SH2D5: variants seen among roughly 807,000 people sequenced by gnomAD.
SH2D5 encodes the protein SH2 domain containing 5, also known as SH2 domain-containing protein 5.
In SH2D5, 45 loss-of-function variants were observed where a neutral mutation model predicts 48.2. The ratio of observed to expected loss-of-function variants is 0.93; its 90% CI spans 0.73 to 1.20. The LOEUF is 1.20. Among genes scored for constraint, SH2D5 ranks in the 50% most tolerant of loss-of-function variants. The pLI, the probability that SH2D5 is intolerant of heterozygous loss-of-function variation, is 0.00. For missense variants in SH2D5, 538 were observed against 584.1 expected (o/e 0.92, Z 0.81); for synonymous variants, 230 against 249.8 (o/e 0.92, Z 0.75).
At chr1:20,723,529 C>T (rs1570502818) in intron 8 of SH2D5, 97 bp downstream of exon 8, 2 of 919,064 alleles carry the variant, frequency 2.2e-6, no homozygotes, top group East Asian at 2.6e-5. Flanking sequence ...AGCGCTCTGC[C>T]CGTGCACGGG....
At chr1:20,730,306 CGGGGGG>C (rs58462623) in intron 1 of SH2D5, among the ~76,000 whole-genome samples, 60,155 of 134,606 alleles carry the variant, frequency 0.45, 13,299 homozygotes, top group Non-Finnish European at 0.53. Flanking sequence ...CCATCCTGCT[CGGGGGG>C]GGGGGGGACG....
intron 4 of SH2D5, among the ~76,000 whole-genome samples, chr1:20,726,331 C>G (rs2054798817): frequency 6.6e-6 from 1 of 152,212 alleles, no homozygotes; most frequent in African/African-American, 2.4e-5. Flanking sequence ...CGAATCCTGG[C>G]TCTGCCACTC....
At position 20,720,876 on chromosome 1, in the gene SH2D5, C is replaced by G. The variant is rs2054671439; in HGVS notation, c.*916G>C. The G allele has an allele frequency of 6.6e-6, 1 of 152,318 alleles. No homozygotes were observed. Among genetic ancestry groups the G allele is most frequent in the South Asian group, 2.1e-4 (1 of 4,834 alleles). 9.4% of individuals were successfully genotyped at this position (152,318 alleles called of 1,614,324 possible). The stretch of plus-strand genomic sequence containing the variant: ...AATGTCAGCATCGGACAGCCTCCCT[C>G]CCAAGGCAGCCACCAAACCACATGC... On this transcript the variant is annotated 3_prime_UTR_variant, in exon 10 of 10. Transcript: ENST00000444387.
At chr1:20,722,613 G>A (rs1029021275) in intron 9 of SH2D5, 143 bp downstream of exon 9, 24 of 862,720 alleles carry the variant, frequency 2.8e-5, no homozygotes, top group Middle Eastern at 3.7e-4. Flanking sequence ...TGAGGGGCGA[G>A]GCCAGGGAGA....
chr1:20,730,579 C>T (rs1046981746), intron 1 of SH2D5, among the ~76,000 whole-genome samples: 1 of 151,926 alleles, frequency 6.6e-6, no homozygotes, highest in African/African-American at 2.4e-5. Context: ...ACTGGAAGTT[C>T]CTCCCTCCTT....
chr1:20,724,544 G>A lies in SH2D5; in HGVS notation c.482C>T (p.Pro161Leu). 1 of 1,606,416 alleles carries A rather than the reference G, an allele frequency of 6.2e-7. No homozygotes were observed. Reference sequence around the variant, plus strand: ...CAGGGGCACCTCCCCTGTGGGCCCTGGGCAGGGCTCTGGCTGTGCCCGCTC... The same window carrying A: ...CAGGGGCACCTCCCCTGTGGGCCCTAGGCAGGGCTCTGGCTGTGCCCGCTC... ...PEERAQPEPC[P>L]GPTGEVPLKP... The change falls in exon 6 of 10, where the codon CCA becomes CTA. Residue 161 changes from proline (P) to leucine (L), a missense_variant. Pro to Leu is a moderately conservative substitution (Grantham distance 98). Coordinates refer to ENST00000444387, the MANE Select transcript of SH2D5 (RefSeq NM_001103161.2).
Position 20,728,232 on chromosome 1 carries a change from C to T in SH2D5, c.-42-146G>A, listed in dbSNP as rs2054843314. The T allele has an allele frequency of 8.4e-6, 5 of 594,878 alleles. No homozygotes were observed. Among genetic ancestry groups the T allele is most frequent in the South Asian group, 6.0e-5 (3 of 49,808 alleles). The allele number at this position is 594,878 out of a possible 1,614,324, so 36.8% of individuals were successfully genotyped here. On this transcript the variant is annotated intron_variant, in intron 1 of 9. Coordinates refer to ENST00000444387, the MANE Select transcript of SH2D5 (RefSeq NM_001103161.2). This position sits in a 1 kb window ranked among gnomAD's most constrained non-coding sequence, Gnocchi z 4.3. ...TGTCCCGGGCCCTGGGGAGCCAGCCCAGAAGAAAATGATGACGTCTCTGAC... is the reference window on the plus strand; with the variant it reads ...TGTCCCGGGCCCTGGGGAGCCAGCCTAGAAGAAAATGATGACGTCTCTGAC...
rs555770946 is a variant in SH2D5, at chr1:20,730,000, A to T, written c.-42-1914T>A. Among the ~76,000 whole-genome samples, 16 of 152,238 alleles carry T rather than the reference A, an allele frequency of 1.1e-4. No homozygotes were observed. Among genetic ancestry groups the T allele is most frequent in the Non-Finnish European group, 1.6e-4 (11 of 68,046 alleles). On this transcript the variant is annotated intron_variant, in intron 1 of 9. Coordinates refer to ENST00000444387, the MANE Select transcript of SH2D5 (RefSeq NM_001103161.2). This position sits in a 1 kb window ranked among gnomAD's most constrained non-coding sequence, Gnocchi z 4.2. Reference sequence around the variant, plus strand: ...TTATGTTTAAATAAAGCAAAGTTACATGTGCAACCGGCACTAAAGCCACAT... The same window carrying T: ...TTATGTTTAAATAAAGCAAAGTTACTTGTGCAACCGGCACTAAAGCCACAT...
In SH2D5 at chr1:20,721,892, G is replaced by A. The variant is rs1168013659; in HGVS notation, c.1172C>T (p.Thr391Ile). 2 of 1,613,068 alleles carry A rather than the reference G, an allele frequency of 1.2e-6. No homozygotes were observed. The highest frequency in any genetic ancestry group is 1.1e-5 in the South Asian group (1 of 91,084). Reference protein sequence around the residue: ...CPLDMGRLNPTYEEQDCGPPG... With the variant: ...CPLDMGRLNPIYEEQDCGPPG... ...GGGCCCACAGTCCTGCTCCTCGTAG[G>A]TGGGGTTCAGGCGGCCCATGTCGAG... is the stretch of plus-strand genomic sequence containing the variant. The change falls in exon 10 of 10, where the codon ACC (threonine) becomes ATC (isoleucine). Residue 391 changes from threonine (T) to isoleucine (I), a missense_variant. Physicochemically the swap from Thr to Ile is moderately conservative, Grantham distance 89. Transcript: ENST00000444387.
intron 8 of SH2D5, 46 bp downstream of exon 8, chr1:20,723,580 C>A: frequency 6.7e-7 from 1 of 1,483,374 alleles, no homozygotes; most frequent in Non-Finnish European, 9.3e-7. Flanking sequence ...TATTTCTCTG[C>A]CCACCCCAAG....
intron 7 of SH2D5, among the ~76,000 whole-genome samples, 153 bp from the exon 8 acceptor site, chr1:20,723,887 T>G (rs918136511): frequency 1.3e-5 from 2 of 152,250 alleles, no homozygotes; most frequent in African/African-American, 4.8e-5. Flanking sequence ...CCGACAGTTC[T>G]GGTCCATACA....
rs1162068349 is a variant in SH2D5 at position 20,731,993 on chromosome 1, C to T, written c.-43+188G>A. ...CCCCCCGCCCCTGCCCGGCTCCCGG[C>T]GCTCGCTCACCGCCTCTCGAGTCCG... On this transcript the variant is annotated intron_variant, in intron 1 of 9. Coordinates refer to ENST00000444387, the MANE Select transcript of SH2D5 (RefSeq NM_001103161.2). Among the ~76,000 whole-genome samples, 5 of 151,656 alleles carry T rather than the reference C, an allele frequency of 3.3e-5. No homozygotes were observed. The East Asian group carries it at 9.7e-4, about 29-fold the overall frequency.
At position 20,730,322 on chromosome 1, in the gene SH2D5, G is replaced by A. The variant is rs542297589; in HGVS notation, c.-43+1859C>T. Among the ~76,000 whole-genome samples the A allele has an allele frequency of 2.0e-3, 301 of 148,790 alleles. 2 individuals are homozygous for A. The highest frequency in any genetic ancestry group is 0.018 in the Middle Eastern group (5 of 276). On this transcript the variant is annotated intron_variant, in intron 1 of 9. Coordinates refer to ENST00000444387, the MANE Select transcript of SH2D5 (RefSeq NM_001103161.2). Reference sequence around the variant, plus strand: ...CATCCTGCTCGGGGGGGGGGGGGACGCAGCCCCTCAGGCACCAAGTGTGAG... The same window carrying A: ...CATCCTGCTCGGGGGGGGGGGGGACACAGCCCCTCAGGCACCAAGTGTGAG...
chr1:20,724,237 C>T lies in SH2D5; in HGVS notation c.645G>A (p.Glu215=). The change falls in exon 7 of 10, where the codon GAG becomes GAA. Residue 215 remains glutamate (E), a synonymous_variant. Coordinates refer to ENST00000444387, the MANE Select transcript of SH2D5 (RefSeq NM_001103161.2). The stretch of plus-strand genomic sequence containing the variant: ...GGGCATGGCGGGCACGGCCTTCCGA[C>T]TCTGGCAGCTCCTTCTAGGGCACCA... The part of the protein sequence containing the change: ...GLVGSGKELP[E]SEGRARHARL... 1 of 1,612,724 alleles carries T rather than the reference C, an allele frequency of 6.2e-7. No individual in the cohort carries two copies. Among genetic ancestry groups the T allele is most frequent in the Non-Finnish European group, 8.5e-7 (1 of 1,179,902 alleles).
Position 20,725,977 on chromosome 1 carries a change from T to C in SH2D5, c.333A>G (p.Pro111=), listed in dbSNP as rs1187365882. 6.2e-7 allele frequency: 1 copy of C among 1,613,012 alleles called. No individual in the cohort carries two copies. The highest frequency in any genetic ancestry group is 1.3e-5 in the African/African-American group (1 of 74,996). ...DCQFAFMARN[P]RSPASKLFCH... ...AGAAGAGCTTGCTGGCTGGGCTCCG[T>C]GGGTTTCGAGCCATGAAGGCAAACT... is the stretch of plus-strand genomic sequence containing the variant. Residue 111 remains proline (P), a synonymous_variant, in exon 5 of 10, where the codon CCA becomes CCG. Coordinates refer to ENST00000444387, the MANE Select transcript of SH2D5 (RefSeq NM_001103161.2).
intron 1 of SH2D5, among the ~76,000 whole-genome samples, chr1:20,730,556 A>T (rs938277903): frequency 6.6e-6 from 1 of 151,770 alleles, no homozygotes; most frequent in Admixed American, 6.6e-5. Context: ...CCTGGTCCTT[A>T]GCCTCCTTGG....
Position 20,727,012 on chromosome 1 carries a change from C to T in SH2D5, c.232G>A (p.Gly78Arg), listed in dbSNP as rs751861789. The change falls in exon 4 of 10, where the codon GGG (glycine) becomes AGG (arginine). Residue 78 changes from glycine to arginine, a missense_variant. Transcript: ENST00000444387. Reference protein sequence around the residue: ...FSLQGLKIYSGEGEVLLMAHA... With the variant: ...FSLQGLKIYSREGEVLLMAHA... Reference sequence around the variant, plus strand: ...ACAGGGGTTCCTACCTCACCCTCCCCGCTGTAGATCTTGAGACCCTGAAGG... The same window carrying T: ...ACAGGGGTTCCTACCTCACCCTCCCTGCTGTAGATCTTGAGACCCTGAAGG... 1.6e-5 allele frequency: 26 copies of T among 1,611,116 alleles called. No homozygotes were observed. The highest frequency in any genetic ancestry group is 1.0e-4 in the South Asian group (9 of 90,270).
chr1:20,721,898 T>A lies in SH2D5; in HGVS notation c.1166A>T (p.Asn389Ile). 9 of 1,613,002 alleles carry A rather than the reference T, an allele frequency of 5.6e-6. No homozygotes were observed. Among genetic ancestry groups the A allele is most frequent in the Non-Finnish European group, 7.6e-6 (9 of 1,179,926 alleles). The change falls in exon 10 of 10, where the codon AAC becomes ATC. Residue 389 changes from asparagine (N) to isoleucine (I), a missense_variant. Coordinates refer to ENST00000444387, the MANE Select transcript of SH2D5 (RefSeq NM_001103161.2). ...ACAGTCCTGCTCCTCGTAGGTGGGG[T>A]TCAGGCGGCCCATGTCGAGGGGACA... ...LFCPLDMGRL[N>I]PTYEEQDCGP...
chr1:20,727,601 G>C lies in SH2D5; in HGVS notation c.90C>G (p.Tyr30Ter). ...GGTCATCCACAGGGAAGGAGCCCAC[G>C]TACTGCTCGGCAGTGGGGTGAAGGG... ...RPRCITKFAQ[Y>*]VGSFPVDDLD... is the part of the protein sequence containing the mutation. Residue 30 changes from tyrosine to a stop codon, truncating the protein, a stop_gained and splice_region_variant, in exon 3 of 10, where the codon TAC (tyrosine) becomes TAG (stop). Transcript: ENST00000444387. LOFTEE classifies it high-confidence loss of function. 2.5e-6 allele frequency: 4 copies of C among 1,607,922 alleles called. No individual in the cohort carries two copies. The highest frequency in any genetic ancestry group is 3.4e-6 in the Non-Finnish European group (4 of 1,177,758).
Sources: gnomAD v4.1 joint callset for allele counts (sites outside exome capture counted in the v4.1 genomes callset) on GRCh38, gnomAD v4.1.1 for gene constraint, Gnocchi (gnomAD v3.1) non-coding constraint, MANE v1.5 for transcripts, NCBI Gene and HGNC (gene_info 2026-07-23, HGNC 2026-07-21) for gene names.